The following EPHA5 variants were observed in gnomAD, a reference collection of about 807,000 sequenced individuals.
The protein encoded by EPHA5 is EPH receptor A5.
Under a neutral mutation model 105.0 loss-of-function variants are expected in EPHA5, and 60 were observed. The observed-to-expected ratio is 0.57, with a 90% CI of 0.46 to 0.71. The LOEUF (loss-of-function observed/expected upper bound fraction) is 0.71. Ranked by LOEUF, EPHA5 falls within the 30% of genes least tolerant of loss-of-function variation. The probability of loss-of-function intolerance (pLI) is 0.00; values close to 1 mark genes in which losing one functional copy is unlikely to be tolerated. For synonymous variants in EPHA5, 513 were observed against 449.1 expected, an observed-to-expected ratio of 1.14 and a Z score of -1.80; for missense variants, 1,218 against 1,274.7, an observed-to-expected ratio of 0.96 and a Z score of 0.68.
At chr4:65,573,333 C>A (rs373566216) in intron 3 of EPHA5, 17 of 575,126 alleles carry the variant, frequency 3.0e-5, no homozygotes, top group Non-Finnish European at 2.3e-5. Flanking sequence ...ATGGCGTGAA[C>A]CCGGGAGGCA....
At chr4:65,637,445 G>A (rs1283490321) in intron 2 of EPHA5, among the ~76,000 whole-genome samples, 2 of 151,200 alleles carry the variant, frequency 1.3e-5, no homozygotes, top group Non-Finnish European at 2.9e-5. Context: ...AGCTATGAAA[G>A]GCTCCTGCCT....
chr4:65,427,090 A>G (rs924401924), intron 5 of EPHA5, among the ~76,000 whole-genome samples: 14 of 152,016 alleles, frequency 9.2e-5, no homozygotes, highest in Admixed American at 7.9e-4. Context: ...CCAAGAATAT[A>G]TATGCGAATA....
chr4:65,588,991 A>G (rs929171657), intron 3 of EPHA5, among the ~76,000 whole-genome samples: 1 of 152,232 alleles, frequency 6.6e-6, no homozygotes, highest in Non-Finnish European at 1.5e-5. Flanking sequence ...AAATCTAACT[A>G]GCATGTATTG....
chr4:65,394,891 C>A (rs1263362441), intron 8 of EPHA5, among the ~76,000 whole-genome samples: 3 of 152,034 alleles, frequency 2.0e-5, no homozygotes, highest in Admixed American at 6.6e-5. Flanking sequence ...GGCAAAGAAG[C>A]TTCTCTGCAG....
At chr4:65,400,328 C>G (rs1377968196) in intron 8 of EPHA5, among the ~76,000 whole-genome samples, 1 of 152,102 alleles carries the variant, frequency 6.6e-6, no homozygotes, top group Non-Finnish European at 1.5e-5. Context: ...ATGATTAGCT[C>G]ATAGTTTGTG....
chr4:65,396,911 CAGA>C (rs759034898), intron 8 of EPHA5, among the ~76,000 whole-genome samples: 61 of 152,120 alleles, frequency 4.0e-4, no homozygotes, highest in South Asian at 1.0e-3. Flanking sequence ...CAATAGGAAT[CAGA>C]AGGAGGCCCA....
At chr4:65,402,252 A>G (rs1292201203) in intron 8 of EPHA5, among the ~76,000 whole-genome samples, 26 of 152,006 alleles carry the variant, frequency 1.7e-4, no homozygotes, top group Admixed American at 1.7e-3. Context: ...CAATTAAACC[A>G]CTTTTCTTTA....
intron 5 of EPHA5, among the ~76,000 whole-genome samples, chr4:65,463,702 A>C (rs572118914): frequency 9.9e-5 from 15 of 152,146 alleles, no homozygotes; most frequent in Non-Finnish European, 2.2e-4. Context: ...ATTGTCTACA[A>C]GGTGAGTCAT....
At chr4:65,413,748 C>T (rs1723129431) in intron 7 of EPHA5, among the ~76,000 whole-genome samples, 1 of 152,066 alleles carries the variant, frequency 6.6e-6, no homozygotes, top group African/African-American at 2.4e-5. Flanking sequence ...ATATTTTACG[C>T]TATTTTTATA....
intron 5 of EPHA5, among the ~76,000 whole-genome samples, chr4:65,462,744 C>A (rs1327488119): frequency 6.6e-6 from 1 of 152,136 alleles, no homozygotes; most frequent in Non-Finnish European, 1.5e-5. Flanking sequence ...TTTATACATC[C>A]CTTCTACAAC....
At chr4:65,607,016 G>C (rs2149449966) in intron 2 of EPHA5, among the ~76,000 whole-genome samples, 1 of 152,116 alleles carries the variant, frequency 6.6e-6, no homozygotes, top group South Asian at 2.1e-4. Context: ...ATCTTCTCAA[G>C]TTCCTCAAAA....
rs555477783 is a variant in EPHA5 at position 65,411,745 on chromosome 4, A to T, written c.1687+2539T>A. Among the ~76,000 whole-genome samples the T allele has an allele frequency of 7.2e-5, 11 of 152,312 alleles. No homozygotes were observed. The East Asian group carries it at 2.1e-3, about 29-fold the overall frequency. ...GGATTTCAGAAAATACTACAAAAAT[A>T]CAATACAAAAGTTCTGGAAAAAAGT... On this transcript the variant is annotated intron_variant, in intron 7 of 16. Transcript: ENST00000613740.
At chr4:65,657,965 G>GA (rs1461966974) in intron 1 of EPHA5, among the ~76,000 whole-genome samples, 7 of 146,286 alleles carry the variant, frequency 4.8e-5, no homozygotes, top group South Asian at 2.2e-4. Flanking sequence ...GCTTTCTTTA[G>GA]AAAATCATAC....
At chr4:65,446,158 T>G (rs1262611793) in intron 5 of EPHA5, among the ~76,000 whole-genome samples, 1 of 152,202 alleles carries the variant, frequency 6.6e-6, no homozygotes, top group Non-Finnish European at 1.5e-5. Flanking sequence ...TGGGTTACAA[T>G]GCCTTCAATA....
chr4:65,378,316 A>G (rs1475015383), intron 8 of EPHA5, among the ~76,000 whole-genome samples: 2 of 151,910 alleles, frequency 1.3e-5, no homozygotes, highest in African/African-American at 4.8e-5. Flanking sequence ...CATTATTTTC[A>G]CTGTAGAGAT....
At chr4:65,414,984 A>G (rs1723254685) in intron 6 of EPHA5, among the ~76,000 whole-genome samples, 1 of 152,222 alleles carries the variant, frequency 6.6e-6, no homozygotes, top group South Asian at 2.1e-4. Context: ...CTAAATAGAA[A>G]GCATTAAAGA....
chr4:65,425,057 T>C (rs919478724), intron 5 of EPHA5, among the ~76,000 whole-genome samples: 2 of 151,988 alleles, frequency 1.3e-5, no homozygotes, highest in African/African-American at 4.8e-5. Flanking sequence ...AATAAATAAA[T>C]AAAACTCCAT....
chr4:65,410,939 C>T (rs1311980850), intron 7 of EPHA5, among the ~76,000 whole-genome samples: 1 of 151,998 alleles, frequency 6.6e-6, no homozygotes, highest in East Asian at 1.9e-4. Context: ...GTTACAGTCT[C>T]AAAGCTTCAA....
At chr4:65,454,353 T>C (rs1319413643) in intron 5 of EPHA5, among the ~76,000 whole-genome samples, 1 of 152,040 alleles carries the variant, frequency 6.6e-6, no homozygotes, top group Non-Finnish European at 1.5e-5. Flanking sequence ...TCAGCAAATA[T>C]GGAAGAAAGG....
Sources: gnomAD v4.1 joint callset for allele counts (sites outside exome capture counted in the v4.1 genomes callset) on GRCh38, gnomAD v4.1.1 for gene constraint, MANE v1.5 for transcripts, NCBI Gene and HGNC (gene_info 2026-07-23, HGNC 2026-07-21) for gene names.